DDHD1: variants seen among roughly 807,000 people sequenced by gnomAD.
The protein encoded by DDHD1 is phospholipase DDHD1.
A neutral mutation model predicts 96.4 loss-of-function variants in DDHD1; 49 were observed. The ratio of observed to expected loss-of-function variants is 0.51; its 90% CI spans 0.40 to 0.64. The LOEUF (loss-of-function observed/expected upper bound fraction) is 0.64. Among genes scored for constraint, DDHD1 ranks in the 30% least tolerant of loss-of-function variants. The pLI, the probability that DDHD1 is intolerant of heterozygous loss-of-function variation, is 0.00. For synonymous variants in DDHD1, 442 were observed against 446.5 expected (o/e 0.99, Z 0.13); for missense variants, 1,106 against 1,161.2 (o/e 0.95, Z 0.69).
chr14:53,066,253 G>A (rs1883999728), intron 6 of DDHD1, among the ~76,000 whole-genome samples: 1 of 152,146 alleles, frequency 6.6e-6, no homozygotes, highest in Admixed American at 6.5e-5. Context: ...CCAGGTTCAA[G>A]TGCTTCTCCT....
intron 1 of DDHD1, among the ~76,000 whole-genome samples, chr14:53,148,537 T>C (rs1891149832): frequency 6.6e-6 from 1 of 152,078 alleles, no homozygotes; most frequent in Non-Finnish European, 1.5e-5. Context: ...GGTCTCGAAC[T>C]CCTGATCTCA....
chr14:53,101,497 AATC>A (rs1367896274), intron 2 of DDHD1, among the ~76,000 whole-genome samples: 1 of 152,084 alleles, frequency 6.6e-6, no homozygotes, highest in African/African-American at 2.4e-5. Context: ...AACCTCAAAG[AATC>A]ATCATTTTTG....
rs768741139 is a variant in DDHD1, at chr14:53,062,968, CAAG to C, written c.1738_1740del (p.Leu580del). The C allele has an allele frequency of 1.2e-6, 2 of 1,607,768 alleles. No individual in the cohort carries two copies. Among genetic ancestry groups the C allele is most frequent in the African/African-American group, 1.3e-5 (1 of 74,710 alleles). On this transcript the variant is annotated inframe_deletion, in exon 7 of 13. Coordinates refer to ENST00000673822, the MANE Select transcript of DDHD1 (RefSeq NM_001160148.2). ...CGTCGTTTAGTTATATAGAGTTCAT[CAAG>C]AAGATGTCGTTCTTCATAGCTCATC... is the stretch of plus-strand genomic sequence containing the variant.
intron 6 of DDHD1, among the ~76,000 whole-genome samples, chr14:53,071,580 CA>C (rs1399563243): frequency 6.6e-6 from 1 of 151,984 alleles, no homozygotes; most frequent in Non-Finnish European, 1.5e-5. Context: ...CACCTTTAAC[CA>C]GCTGATTCAG....
At chr14:53,113,490 C>T (rs61985111) in intron 1 of DDHD1, among the ~76,000 whole-genome samples, 1,822 of 151,150 alleles carry the variant, frequency 0.012, 13 homozygotes, top group Non-Finnish European at 0.018. Context: ...CTCTGGTCTG[C>T]AGGTCCCAGT....
At position 53,040,208 on chromosome 14, in the gene DDHD1, A is replaced by G. The variant is rs890403990; in HGVS notation, c.*6560T>C. On this transcript the variant is annotated 3_prime_UTR_variant, in exon 13 of 13. Transcript: ENST00000673822. ...GCTATGGTCACTGACTGAACCCTGG[A>G]CTGAGAAATTGTGAATGAACCATAA... The G allele has an allele frequency of 6.6e-6, 1 of 152,212 alleles. No homozygotes were observed. 9.4% of individuals were successfully genotyped at this position (152,212 alleles called of 1,614,324 possible).
At chr14:53,134,904 G>C (rs973220200) in intron 1 of DDHD1, among the ~76,000 whole-genome samples, 2 of 152,010 alleles carry the variant, frequency 1.3e-5, no homozygotes, top group Non-Finnish European at 1.5e-5. Flanking sequence ...TATAACAAAT[G>C]TTCCTTCTAA....
At chr14:53,108,312 G>C (rs775839263) in intron 1 of DDHD1, among the ~76,000 whole-genome samples, 1 of 152,214 alleles carries the variant, frequency 6.6e-6, no homozygotes, top group African/African-American at 2.4e-5. Context: ...CTGAACACTA[G>C]TCACTGGGTT....
chr14:53,058,280 A>C (rs568832176), intron 9 of DDHD1, among the ~76,000 whole-genome samples, 197 bp downstream of exon 9: 112 of 152,100 alleles, frequency 7.4e-4, no homozygotes, highest in Non-Finnish European at 7.1e-4. Context: ...ACGCCCAGCT[A>C]ATTTTTGTAT....
intron 11 of DDHD1, chr14:53,053,807 A>G (rs1323449874): frequency 1.3e-5 from 2 of 152,200 alleles, no homozygotes; most frequent in Non-Finnish European, 2.9e-5. Flanking sequence ...GGAAGTAAAT[A>G]TATACTAAGT....
chr14:53,105,989 T>C lies in DDHD1; in HGVS notation c.839-2133A>G, dbSNP rs546177369. ...TGGTGGTGGTGGTGGTGTGTGTGTA[T>C]GTGTGTGTGTTTTAGAGTAACCCAA... On this transcript the variant is annotated intron_variant, in intron 1 of 12. Transcript: ENST00000673822. 8.5e-5 allele frequency among the ~76,000 whole-genome samples: 13 copies of C among 152,138 alleles called. No individual in the cohort carries two copies. The East Asian group carries it at 1.9e-3, about 23-fold the overall frequency.
chr14:53,064,923 AT>A (rs969276096), intron 6 of DDHD1, among the ~76,000 whole-genome samples: 3 of 151,934 alleles, frequency 2.0e-5, no homozygotes, highest in Non-Finnish European at 4.4e-5. Flanking sequence ...TCTAATTGGA[AT>A]TTTTTTTCCT....
intron 7 of DDHD1, among the ~76,000 whole-genome samples, chr14:53,062,300 T>C (rs535216355): frequency 6.6e-6 from 1 of 152,170 alleles, no homozygotes; most frequent in East Asian, 1.9e-4. Context: ...GCACATTTGT[T>C]TTAATATGCT....
chr14:53,119,296 C>T (rs1038606974), intron 1 of DDHD1, among the ~76,000 whole-genome samples: 1 of 152,144 alleles, frequency 6.6e-6, no homozygotes, highest in Non-Finnish European at 1.5e-5. Flanking sequence ...ATGACAGGAT[C>T]AAATTCAAAT....
chr14:53,104,220 G>C (rs1315786623), intron 1 of DDHD1, among the ~76,000 whole-genome samples: 3 of 152,286 alleles, frequency 2.0e-5, no homozygotes, highest in Non-Finnish European at 4.4e-5. Flanking sequence ...TAGGATTACA[G>C]GTATGAGCTG....
intron 1 of DDHD1, among the ~76,000 whole-genome samples, chr14:53,116,389 C>T (rs1280276512): frequency 6.6e-6 from 1 of 152,174 alleles, no homozygotes; most frequent in Admixed American, 6.5e-5. Flanking sequence ...TAGACATCTA[C>T]GGAACTCTCC....
At chr14:53,084,637 AG>A (rs1452910002) in intron 4 of DDHD1, among the ~76,000 whole-genome samples, 2 of 152,214 alleles carry the variant, frequency 1.3e-5, no homozygotes, top group African/African-American at 4.8e-5. Flanking sequence ...TTCTTTAAAA[AG>A]TTGAATTGTG....
chr14:53,078,319 G>T (rs1156630188), intron 4 of DDHD1, among the ~76,000 whole-genome samples: 2 of 151,968 alleles, frequency 1.3e-5, no homozygotes, highest in African/African-American at 4.8e-5. Context: ...TATCCTAGTG[G>T]GTATAAAGTG....
At position 53,073,377 on chromosome 14, in the gene DDHD1, C is replaced by T. The variant is rs577382593; in HGVS notation, c.1396+364G>A. The stretch of plus-strand genomic sequence containing the variant: ...ATTATTAGAAAGAAAAATGTAAGCT[C>T]GTATGGAATTATGGAAAACAAATAT... On this transcript the variant is annotated intron_variant, in intron 5 of 12. Coordinates refer to ENST00000673822, the MANE Select transcript of DDHD1 (RefSeq NM_001160148.2). 3.5e-4 allele frequency among the ~76,000 whole-genome samples: 53 copies of T among 152,026 alleles called. No homozygotes were observed. In the East Asian group the frequency reaches 5.6e-3, roughly 16 times the overall value.
Sources: allele counts gnomAD v4.1 joint callset (sites outside exome capture counted in the v4.1 genomes callset), GRCh38; gene constraint gnomAD v4.1.1; transcripts MANE v1.5; gene names NCBI Gene and HGNC (gene_info 2026-07-23, HGNC 2026-07-21).